The following GPR176 variants were observed in gnomAD, a reference collection of about 807,000 sequenced individuals.
GPR176 encodes the protein G-protein coupled receptor 176.
Under a neutral mutation model 35.4 loss-of-function variants are expected in GPR176, and 26 were observed. The ratio of observed to expected loss-of-function variants is 0.74; its 90% CI spans 0.54 to 1.02. The LOEUF (loss-of-function observed/expected upper bound fraction) is 1.02, where lower values mean the gene tolerates loss of function less well. Among genes scored for constraint, GPR176 ranks in the 50% least tolerant of loss-of-function variants. The pLI is 0.00. For synonymous variants in GPR176, 278 were observed against 271.3 expected, an observed-to-expected ratio of 1.02 and a Z score of -0.24; for missense variants, 597 against 665.3, an observed-to-expected ratio of 0.90 and a Z score of 1.13.
At chr15:39,912,068 A>G (rs1427369857) in intron 1 of GPR176, among the ~76,000 whole-genome samples, 3 of 152,228 alleles carry the variant, frequency 2.0e-5, no homozygotes, top group Non-Finnish European at 2.9e-5. Flanking sequence ...GCAACTCAGA[A>G]GAAGGTCATT....
intron 1 of GPR176, among the ~76,000 whole-genome samples, chr15:39,908,937 G>A (rs1170293163): frequency 6.6e-6 from 1 of 152,176 alleles, no homozygotes; most frequent in Non-Finnish European, 1.5e-5. Flanking sequence ...ATCCCAGGGT[G>A]GGAGTGGGGC....
Position 39,864,330 on chromosome 15 carries a change from A to G in GPR176, c.172+55525T>C, listed in dbSNP as rs1402828637. Among the ~76,000 whole-genome samples the G allele has an allele frequency of 2.6e-5, 4 of 152,204 alleles. No homozygotes were observed. The East Asian group carries it at 7.7e-4, about 29-fold the overall frequency. ...CTGTATCAGAACAGAGAACCCAGAA[A>G]TAAAGTCATATATTTACAGTCAACT... is the stretch of plus-strand genomic sequence containing the variant. On this transcript the variant is annotated intron_variant, in intron 1 of 2. Coordinates refer to ENST00000561100, the MANE Select transcript of GPR176 (RefSeq NM_007223.3).
intron 2 of GPR176, among the ~76,000 whole-genome samples, chr15:39,804,732 C>T (rs2140778582): frequency 6.6e-6 from 1 of 152,002 alleles, no homozygotes; most frequent in East Asian, 1.9e-4. Flanking sequence ...TAGTATACTC[C>T]TAAAATTAAA....
chr15:39,877,494 G>T (rs1333892786), intron 1 of GPR176, among the ~76,000 whole-genome samples: 2 of 151,512 alleles, frequency 1.3e-5, no homozygotes, highest in African/African-American at 4.9e-5. Context: ...CTAGGTCGCA[G>T]ATGCATCAAG....
At chr15:39,897,788 T>C (rs1057477254) in intron 1 of GPR176, among the ~76,000 whole-genome samples, 2 of 152,166 alleles carry the variant, frequency 1.3e-5, no homozygotes, top group African/African-American at 4.8e-5. Context: ...CTTTTGGACT[T>C]AATTCAATTT....
intron 1 of GPR176, among the ~76,000 whole-genome samples, chr15:39,829,759 T>C (rs1036341310): frequency 6.6e-6 from 1 of 151,880 alleles, no homozygotes; most frequent in Non-Finnish European, 1.5e-5. Flanking sequence ...AGCTGGGAAA[T>C]TGGAGGAAGC....
chr15:39,861,317 C>T (rs1488148520), intron 1 of GPR176, among the ~76,000 whole-genome samples: 2 of 151,966 alleles, frequency 1.3e-5, no homozygotes, highest in Non-Finnish European at 2.9e-5. Context: ...TTTGGGAGGC[C>T]GAGGCTGGCA....
Position 39,920,009 on chromosome 15 carries a change from G to A in GPR176, c.18C>T (p.Ser6=). 1 of 1,407,238 alleles carries A rather than the reference G, an allele frequency of 7.1e-7. No homozygotes were observed. Among genetic ancestry groups the A allele is most frequent in the Non-Finnish European group, 9.3e-7 (1 of 1,076,526 alleles). 87.2% of individuals were successfully genotyped at this position (1,407,238 alleles called of 1,614,324 possible). A position where few individuals can be genotyped will look rare whatever the true frequency, so the allele number is the denominator to read the frequency against. ...GCTCGCTGGCATTTGGAGAGATCCAGCTCCCGTTATGTCCCATGGCGAGGC... is the reference window on the plus strand; with the variant it reads ...GCTCGCTGGCATTTGGAGAGATCCAACTCCCGTTATGTCCCATGGCGAGGC... MGHNG[S]WISPNASEPH... is the part of the protein sequence containing the mutation. Residue 6 remains serine, a synonymous_variant, in exon 1 of 3, where the codon AGC becomes AGT. Coordinates refer to ENST00000561100, the MANE Select transcript of GPR176 (RefSeq NM_007223.3).
chr15:39,910,174 G>T (rs2033537708), intron 1 of GPR176, among the ~76,000 whole-genome samples: 1 of 152,206 alleles, frequency 6.6e-6, no homozygotes, highest in Non-Finnish European at 1.5e-5. Flanking sequence ...AAATAATGTG[G>T]TATATGTTGT....
rs2140885385 is a variant in GPR176 at position 39,920,078 on chromosome 15, G to A, written c.-52C>T. 3 of 1,229,110 alleles carry A rather than the reference G, an allele frequency of 2.4e-6. No individual in the cohort carries two copies. Among genetic ancestry groups the A allele is most frequent in the East Asian group, 6.4e-5 (2 of 31,456 alleles). The allele number at this position is 1,229,110 out of a possible 1,614,324, so 76.1% of individuals were successfully genotyped here. ...CGCCGCCCGCCTCGGAGCCCCGCGCGGAGCCTCTCCTCCTCCGGGTGAGGA... is the reference window on the plus strand; with the variant it reads ...CGCCGCCCGCCTCGGAGCCCCGCGCAGAGCCTCTCCTCCTCCGGGTGAGGA... On this transcript the variant is annotated 5_prime_UTR_variant, in exon 1 of 3. Transcript: ENST00000561100.
At chr15:39,816,965 A>T (rs148537466) in intron 1 of GPR176, among the ~76,000 whole-genome samples, 332 of 150,144 alleles carry the variant, frequency 2.2e-3, no homozygotes, top group African/African-American at 7.7e-3. Context: ...GCCTCTTAGG[A>T]GGCAGAGGCA....
intron 1 of GPR176, among the ~76,000 whole-genome samples, chr15:39,894,780 C>G (rs565168372): frequency 1.3e-5 from 2 of 151,666 alleles, no homozygotes; most frequent in Non-Finnish European, 2.9e-5. Flanking sequence ...AGATGATGGG[C>G]GGCCAGGCAG....
At chr15:39,878,472 TTGTGTGTG>T (rs3066143) in intron 1 of GPR176, among the ~76,000 whole-genome samples, 12 of 148,176 alleles carry the variant, frequency 8.1e-5, no homozygotes, top group Non-Finnish European at 1.6e-4. Context: ...CAAATAATAT[TTGTGTGTG>T]TGTGTGTGTG....
Position 39,799,950 on chromosome 15 carries a change from C to T in GPR176, c.*1182G>A, listed in dbSNP as rs898160507. On this transcript the variant is annotated 3_prime_UTR_variant, in exon 3 of 3. Coordinates refer to ENST00000561100, the MANE Select transcript of GPR176 (RefSeq NM_007223.3). The stretch of plus-strand genomic sequence containing the variant: ...TGGCACTCTACAATGATTATTTCTC[C>T]CTGTTCTGTTCCTCCTCTGTGTCCA... 2 of 152,190 alleles carry T rather than the reference C, an allele frequency of 1.3e-5. No individual in the cohort carries two copies. The highest frequency in any genetic ancestry group is 4.8e-5 in the African/African-American group (2 of 41,422). The allele number at this position is 152,190 out of a possible 1,614,324, so 9.4% of individuals were successfully genotyped here.
chr15:39,884,506 A>G (rs1362426175), intron 1 of GPR176, among the ~76,000 whole-genome samples: 5 of 152,214 alleles, frequency 3.3e-5, no homozygotes, highest in African/African-American at 1.2e-4. Flanking sequence ...TGTTTTTCTC[A>G]TGTAACCCAC....
chr15:39,827,154 A>G (rs1900715849), intron 1 of GPR176, among the ~76,000 whole-genome samples: 1 of 152,226 alleles, frequency 6.6e-6, no homozygotes, highest in African/African-American at 2.4e-5. Context: ...TACATATTCA[A>G]CAAGCTATAG....
chr15:39,855,106 A>C (rs1201684002), intron 1 of GPR176, among the ~76,000 whole-genome samples: 1 of 152,000 alleles, frequency 6.6e-6, no homozygotes, highest in Non-Finnish European at 1.5e-5. Flanking sequence ...AACTTGTCCC[A>C]AAGGGTCTTA....
intron 1 of GPR176, among the ~76,000 whole-genome samples, chr15:39,815,660 C>T (rs1170381548): frequency 6.6e-6 from 1 of 152,164 alleles, no homozygotes; most frequent in Non-Finnish European, 1.5e-5. Context: ...CTTATAGAAT[C>T]TATCAAGTCT....
At chr15:39,913,517 C>A (rs543804723) in intron 1 of GPR176, among the ~76,000 whole-genome samples, 1 of 151,156 alleles carries the variant, frequency 6.6e-6, no homozygotes, top group Admixed American at 6.6e-5. Flanking sequence ...TGTACTCCAG[C>A]CTGGGAGACA....
Sources: gnomAD v4.1 joint callset for allele counts (sites outside exome capture counted in the v4.1 genomes callset) on GRCh38, gnomAD v4.1.1 for gene constraint, MANE v1.5 for transcripts, NCBI Gene and HGNC (gene_info 2026-07-23, HGNC 2026-07-21) for gene names.